Variants in SULF1 observed in about 807,000 individuals in gnomAD.
The protein encoded by SULF1 is extracellular sulfatase Sulf-1.
SULF1 carries 46 observed loss-of-function variants against 110.5 expected under a neutral mutation model. That is an observed-to-expected ratio of 0.42 (90% CI 0.33 to 0.53). The LOEUF (loss-of-function observed/expected upper bound fraction) is 0.53. Among genes scored for constraint, SULF1 ranks in the 20% least tolerant of loss-of-function variants. The pLI is 0.12. For missense variants in SULF1, 941 were observed against 1,094.2 expected (o/e 0.86, Z 1.98); for synonymous variants, 371 against 387.1 (o/e 0.96, Z 0.49).
At chr8:69,502,471 G>A (rs1238660752) in intron 3 of SULF1, among the ~76,000 whole-genome samples, 1 of 152,130 alleles carries the variant, frequency 6.6e-6, no homozygotes, top group Non-Finnish European at 1.5e-5. Flanking sequence ...ACCCATCTCA[G>A]CAATTTCACC....
intron 3 of SULF1, among the ~76,000 whole-genome samples, chr8:69,559,197 C>A (rs566078549): frequency 6.6e-6 from 1 of 152,236 alleles, no homozygotes; most frequent in East Asian, 1.9e-4. Flanking sequence ...CAAAACTTGG[C>A]AAGTGATAAT....
At chr8:69,621,558 C>G (rs148772804) in intron 14 of SULF1, among the ~76,000 whole-genome samples, 33 of 152,294 alleles carry the variant, frequency 2.2e-4, no homozygotes, top group African/African-American at 7.9e-4. Context: ...TGGTTTAAGT[C>G]CATTTTATTT....
chr8:69,575,136 C>T lies in SULF1; in HGVS notation c.173-834C>T, dbSNP rs146019399. ...AAAGACTATTGAATTCTGGCCTGTG[C>T]TTTTCTGCAGTGTTTGGATGTGTTT... On this transcript the variant is annotated intron_variant, in intron 5 of 22. Transcript: ENST00000402687. Among the ~76,000 whole-genome samples, 426 of 151,580 alleles carry T rather than the reference C, an allele frequency of 2.8e-3. 3 individuals are homozygous for T. Among genetic ancestry groups the T allele is most frequent in the African/African-American group, 9.9e-3 (408 of 41,318 alleles).
intron 13 of SULF1, among the ~76,000 whole-genome samples, chr8:69,620,488 A>G (rs1016666938): frequency 1.3e-5 from 2 of 152,250 alleles, no homozygotes; most frequent in African/African-American, 4.8e-5. Context: ...AAGAAAAGAC[A>G]CAAAAGAAAG....
intron 5 of SULF1, among the ~76,000 whole-genome samples, chr8:69,564,986 T>C (rs1563535701): frequency 6.6e-6 from 1 of 152,214 alleles, no homozygotes; most frequent in African/African-American, 2.4e-5. Flanking sequence ...TGACTGGTAG[T>C]TGAATCTTCT....
At chr8:69,591,925 C>T (rs1176244589) in intron 8 of SULF1, among the ~76,000 whole-genome samples, 1 of 152,176 alleles carries the variant, frequency 6.6e-6, no homozygotes, top group Non-Finnish European at 1.5e-5. Context: ...ATCTCATCCT[C>T]GATAAAGTAA....
chr8:69,605,384 G>T (rs1192748985), intron 13 of SULF1, among the ~76,000 whole-genome samples: 1 of 152,184 alleles, frequency 6.6e-6, no homozygotes, highest in South Asian at 2.1e-4. Context: ...GACAGAGCCT[G>T]TGACCAAGCT....
In SULF1 at chr8:69,629,812, C is replaced by G. The variant is rs1810380746; in HGVS notation, c.2284+133C>G. 1.1e-5 allele frequency: 9 copies of G among 791,422 alleles called. No homozygotes were observed. In the South Asian group the frequency reaches 2.0e-4, roughly 18 times the overall value. 49.0% of individuals were successfully genotyped at this position (791,422 alleles called of 1,614,324 possible). On this transcript the variant is annotated intron_variant, in intron 19 of 22. Transcript: ENST00000402687. ...GAAAGGCATCATATTCTACTCTATA[C>G]TGGAAACTCAAATGATTTTGCCATG...
Position 69,659,586 on chromosome 8 carries a change from A to G in SULF1, c.*1051A>G, listed in dbSNP as rs1226246122. 1.3e-5 allele frequency: 3 copies of G among 235,800 alleles called. No homozygotes were observed. The highest frequency in any genetic ancestry group is 2.3e-5 in the African/African-American group (1 of 43,716). The allele number at this position is 235,800 out of a possible 1,614,324, so 14.6% of individuals were successfully genotyped here. A position where few individuals can be genotyped will look rare whatever the true frequency, so the allele number is the denominator to read the frequency against. Reference sequence around the variant, plus strand: ...GCTTGTTTGTTTGTTTTGTACTAAAACAGTATTATCTTTTGAATATCGTAG... The same window carrying G: ...GCTTGTTTGTTTGTTTTGTACTAAAGCAGTATTATCTTTTGAATATCGTAG... On this transcript the variant is annotated 3_prime_UTR_variant, in exon 23 of 23. Coordinates refer to ENST00000402687, the MANE Select transcript of SULF1 (RefSeq NM_001128205.2).
intron 1 of SULF1, among the ~76,000 whole-genome samples, chr8:69,469,848 C>T (rs994253578): frequency 6.6e-6 from 1 of 152,190 alleles, no homozygotes; most frequent in Non-Finnish European, 1.5e-5. Flanking sequence ...TCAAGTCCAG[C>T]CTGGCCAACA....
At chr8:69,519,801 T>C (rs1343430927) in intron 3 of SULF1, among the ~76,000 whole-genome samples, 2 of 152,164 alleles carry the variant, frequency 1.3e-5, no homozygotes, top group African/African-American at 2.4e-5. Flanking sequence ...GCAAGATGCA[T>C]TGAGTTGGTC....
Position 69,621,130 on chromosome 8 carries a change from C to A in SULF1, c.1473C>A (p.Asn491Lys), listed in dbSNP as rs1265551295. 1 of 1,613,996 alleles carries A rather than the reference C, an allele frequency of 6.2e-7. No individual in the cohort carries two copies. The highest frequency in any genetic ancestry group is 8.5e-7 in the Non-Finnish European group (1 of 1,179,996). Reference sequence around the variant, plus strand: ...TCACAGTCCGGCAGAGCACGCGGAACCTCTACGCTCGCGGCTTCCATGACA... The same window carrying A: ...TCACAGTCCGGCAGAGCACGCGGAAACTCTACGCTCGCGGCTTCCATGACA... Reference protein sequence around the residue: ...DLLTVRQSTRNLYARGFHDKD... With the variant: ...DLLTVRQSTRKLYARGFHDKD... Residue 491 changes from asparagine (N) to lysine (K), a missense_variant, in exon 14 of 23, where the codon AAC (asparagine) becomes AAA (lysine). Coordinates refer to ENST00000402687, the MANE Select transcript of SULF1 (RefSeq NM_001128205.2).
intron 1 of SULF1, among the ~76,000 whole-genome samples, chr8:69,472,816 G>A (rs1460622978): frequency 6.6e-6 from 1 of 152,142 alleles, no homozygotes; most frequent in African/African-American, 2.4e-5. Flanking sequence ...GCACAGTAGT[G>A]TATTAAACTT....
intron 3 of SULF1, among the ~76,000 whole-genome samples, chr8:69,558,468 G>A (rs903468850): frequency 3.3e-5 from 5 of 152,124 alleles, no homozygotes; most frequent in Non-Finnish European, 5.9e-5. Context: ...TTTCTGTGGC[G>A]AGTGGGTTGT....
intron 3 of SULF1, among the ~76,000 whole-genome samples, chr8:69,505,827 T>A (rs1457665580): frequency 6.6e-6 from 1 of 152,190 alleles, no homozygotes; most frequent in Admixed American, 6.5e-5. Context: ...GACAATTTAT[T>A]ACACAGAATA....
upstream of SULF1, among the ~76,000 whole-genome samples, chr8:69,491,491 A>G (rs1303696742): frequency 6.6e-6 from 1 of 152,236 alleles, no homozygotes; most frequent in Non-Finnish European, 1.5e-5. Flanking sequence ...TGCAGCAGCA[A>G]AGGAACAACA....
intron 3 of SULF1, among the ~76,000 whole-genome samples, chr8:69,553,314 G>C (rs181645824): frequency 2.0e-5 from 3 of 152,316 alleles, no homozygotes; most frequent in African/African-American, 4.8e-5. Context: ...TTGATATGGA[G>C]GGCCAGACGC....
At chr8:69,525,268 GC>G (rs1410694527) in intron 3 of SULF1, among the ~76,000 whole-genome samples, 1 of 151,896 alleles carries the variant, frequency 6.6e-6, no homozygotes, top group African/African-American at 2.4e-5. Context: ...GCTCACAGAT[GC>G]CCAGAAATTG....
chr8:69,631,764 C>T (rs557128473), intron 19 of SULF1, among the ~76,000 whole-genome samples: 6 of 152,216 alleles, frequency 3.9e-5, no homozygotes, highest in South Asian at 2.1e-4. Context: ...CCCACAGCCC[C>T]GTGCCCAGAA....
Sources: allele counts gnomAD v4.1 joint callset (sites outside exome capture counted in the v4.1 genomes callset), GRCh38; gene constraint gnomAD v4.1.1; transcripts MANE v1.5; gene names NCBI Gene and HGNC (gene_info 2026-07-23, HGNC 2026-07-21).